SLC1A1: variants seen among roughly 807,000 people sequenced by gnomAD.
SLC1A1 encodes solute carrier family 1 member 1.
SLC1A1 carries 43 observed loss-of-function variants against 53.3 expected under a neutral mutation model. That is an observed-to-expected ratio of 0.81 (90% CI 0.63 to 1.04). The LOEUF is 1.04. Among genes scored for constraint, SLC1A1 ranks in the 50% least tolerant of loss-of-function variants. The pLI, the probability that SLC1A1 is intolerant of heterozygous loss-of-function variation, is 0.00. For missense variants in SLC1A1, 748 were observed against 664.9 expected (o/e 1.12, Z -1.37); for synonymous variants, 307 against 243.2 (o/e 1.26, Z -2.44).
rs748386266 is a variant in SLC1A1 at position 4,566,047 on chromosome 9, G to A, written c.441G>A (p.Arg147=). 9.3e-6 allele frequency: 15 copies of A among 1,612,588 alleles called. No individual in the cohort carries two copies. In the East Asian group the frequency reaches 3.3e-4, roughly 36 times the overall value. Residue 147 remains arginine (R), a splice_region_variant and synonymous_variant, in exon 5 of 12, where the codon AGG becomes AGA. Transcript: ENST00000262352. ...ATACTGCCTTTTATGTCTCCAACAGGAATATGTTCCCTGAGAATCTTGTCC... is the reference window on the plus strand; with the variant it reads ...ATACTGCCTTTTATGTCTCCAACAGAAATATGTTCCCTGAGAATCTTGTCC... ...STVDAMLDLI[R]NMFPENLVQA... is the part of the protein sequence containing the mutation.
At chr9:4,508,374 T>C (rs1014234061) in intron 1 of SLC1A1, among the ~76,000 whole-genome samples, 1 of 152,148 alleles carries the variant, frequency 6.6e-6, no homozygotes, top group Non-Finnish European at 1.5e-5. Flanking sequence ...CCGAGACTGA[T>C]AGATTCACCC....
intron 1 of SLC1A1, among the ~76,000 whole-genome samples, chr9:4,529,130 C>G (rs1816375363): frequency 6.6e-6 from 1 of 152,176 alleles, no homozygotes; most frequent in East Asian, 1.9e-4. Context: ...CACCTTGGAT[C>G]ACAGCAGCCA....
At chr9:4,492,786 G>T (rs1012217668) in intron 1 of SLC1A1, among the ~76,000 whole-genome samples, 5 of 150,014 alleles carry the variant, frequency 3.3e-5, no homozygotes, top group African/African-American at 1.2e-4. Flanking sequence ...ACAAGAATGA[G>T]ACCTTGTCTA....
At chr9:4,546,995 G>A (rs976000885) in intron 2 of SLC1A1, among the ~76,000 whole-genome samples, 21 of 152,216 alleles carry the variant, frequency 1.4e-4, no homozygotes, top group African/African-American at 5.1e-4. Context: ...TCCAAATTAT[G>A]CAGCAAACCC....
At chr9:4,566,909 C>T (rs751737436) in intron 5 of SLC1A1, among the ~76,000 whole-genome samples, 7 of 152,196 alleles carry the variant, frequency 4.6e-5, no homozygotes, top group Non-Finnish European at 8.8e-5. Context: ...TGAACACAGA[C>T]TTCTGTGTAT....
At chr9:4,579,027 G>A (rs1820819419) in intron 10 of SLC1A1, among the ~76,000 whole-genome samples, 1 of 152,186 alleles carries the variant, frequency 6.6e-6, no homozygotes. Flanking sequence ...AACTAACAAT[G>A]TTCTAATACA....
chr9:4,580,594 AAT>A lies in SLC1A1; in HGVS notation c.1194-2437_1194-2436del, dbSNP rs1165745773. Among the ~76,000 whole-genome samples, 680 of 82,730 alleles carry A rather than the reference AAT, an allele frequency of 8.2e-3. 15 individuals are homozygous for A. The highest frequency in any genetic ancestry group is 0.03 in the East Asian group (103 of 3,412). 54.3% of individuals were successfully genotyped at this position (82,730 alleles called of 152,430 possible). A position where few individuals can be genotyped will look rare whatever the true frequency, so the allele number is the denominator to read the frequency against. On this transcript the variant is annotated intron_variant, in intron 10 of 11. Coordinates refer to ENST00000262352, the MANE Select transcript of SLC1A1 (RefSeq NM_004170.6). ...AGACCTTGTCTCTGGAAAAAAAAAA[AAT>A]ATATATGTGTGTGTGTGTGTGTGTG...
intron 1 of SLC1A1, among the ~76,000 whole-genome samples, chr9:4,541,535 A>G (rs775049937): frequency 5.3e-5 from 8 of 152,198 alleles, no homozygotes; most frequent in Non-Finnish European, 1.2e-4. Flanking sequence ...AGGCTAGTCT[A>G]TAATGAAGAT....
At chr9:4,565,946 G>C in intron 4 of SLC1A1, 101 bp from the exon 5 acceptor site, 2 of 910,850 alleles carry the variant, frequency 2.2e-6, no homozygotes, top group Middle Eastern at 4.2e-4. Context: ...AGAGAAACCA[G>C]AGTACTAGTT....
At chr9:4,566,556 A>G (rs1475997166) in intron 5 of SLC1A1, among the ~76,000 whole-genome samples, 1 of 152,050 alleles carries the variant, frequency 6.6e-6, no homozygotes, top group African/African-American at 2.4e-5. Context: ...CTCCTTAATC[A>G]TTGTGTCCCA....
At chr9:4,579,080 T>A (rs1820824700) in intron 10 of SLC1A1, among the ~76,000 whole-genome samples, 2 of 152,216 alleles carry the variant, frequency 1.3e-5, no homozygotes, top group Admixed American at 6.5e-5. Context: ...CGCAAAGTAT[T>A]TCTGTTGGCT....
At chr9:4,529,976 A>C (rs976984087) in intron 1 of SLC1A1, among the ~76,000 whole-genome samples, 5 of 152,192 alleles carry the variant, frequency 3.3e-5, no homozygotes, top group East Asian at 3.9e-4. Flanking sequence ...AATGAAGAAA[A>C]TATTGTACAT....
At chr9:4,506,015 G>T (rs937936343) in intron 1 of SLC1A1, among the ~76,000 whole-genome samples, 2 of 152,068 alleles carry the variant, frequency 1.3e-5, no homozygotes, top group African/African-American at 4.8e-5. Flanking sequence ...TAGTAGAGAG[G>T]GGGTTTCACC....
At chr9:4,495,040 T>C (rs1820364613) in intron 1 of SLC1A1, among the ~76,000 whole-genome samples, 1 of 152,190 alleles carries the variant, frequency 6.6e-6, no homozygotes, top group South Asian at 2.1e-4. Context: ...GATTCCATTA[T>C]CTAAAATCAG....
rs764472075 is a variant in SLC1A1, at chr9:4,585,603, TGA to T, written c.*49_*50del. On this transcript the variant is annotated 3_prime_UTR_variant, in exon 12 of 12. Coordinates refer to ENST00000262352, the MANE Select transcript of SLC1A1 (RefSeq NM_004170.6). ...CTGGAAACAAGGAAGGACATTTCCG[TGA>T]GAGTCATCTCAAACACTGCTTAAGG... The T allele has an allele frequency of 1.9e-6, 3 of 1,612,840 alleles. No homozygotes were observed. The highest frequency in any genetic ancestry group is 1.7e-4 in the Middle Eastern group (1 of 6,060).
intron 1 of SLC1A1, among the ~76,000 whole-genome samples, chr9:4,508,099 T>A (rs951821999): frequency 1.3e-5 from 2 of 152,028 alleles, no homozygotes; most frequent in Non-Finnish European, 2.9e-5. Context: ...TTTGCCCTGA[T>A]ACTGAGGAAG....
Position 4,573,952 on chromosome 9 carries a change from A to G in SLC1A1, c.813A>G (p.Ile271Met), listed in dbSNP as rs776850719. 2 of 1,614,048 alleles carry G rather than the reference A, an allele frequency of 1.2e-6. No homozygotes were observed. The highest frequency in any genetic ancestry group is 2.2e-5 in the South Asian group (2 of 91,084). Residue 271 changes from isoleucine (I) to methionine (M), a missense_variant, in exon 8 of 12, where the codon ATA (isoleucine) becomes ATG (methionine). Coordinates refer to ENST00000262352, the MANE Select transcript of SLC1A1 (RefSeq NM_004170.6). ...GILFLIAGKI[I>M]EVEDWEIFRK... ...TGTTCCTGATTGCTGGGAAGATCATAGAAGTTGAAGACTGGGAAATATTCC... is the reference window on the plus strand; with the variant it reads ...TGTTCCTGATTGCTGGGAAGATCATGGAAGTTGAAGACTGGGAAATATTCC...
intron 1 of SLC1A1, among the ~76,000 whole-genome samples, chr9:4,517,520 C>T (rs114514400): frequency 2.4e-3 from 359 of 152,334 alleles, no homozygotes; most frequent in African/African-American, 8.2e-3. Context: ...TTGTGTTCCA[C>T]GTGCTGATTT....
intron 1 of SLC1A1, among the ~76,000 whole-genome samples, chr9:4,515,611 A>AATATCAGTGTGAAGC (rs1554676158): frequency 1.4e-5 from 2 of 143,530 alleles, no homozygotes; most frequent in African/African-American, 6.0e-5. Context: ...GATGAACATC[A>AATATCAGTGTGAAGC]ACAATGTCAA....
Sources: gnomAD v4.1 joint callset for allele counts (sites outside exome capture counted in the v4.1 genomes callset) on GRCh38, gnomAD v4.1.1 for gene constraint, MANE v1.5 for transcripts, NCBI Gene and HGNC (gene_info 2026-07-23, HGNC 2026-07-21) for gene names.